Variants in PHRF1 observed in about 807,000 individuals in gnomAD.
PHRF1 encodes PHD and ring finger domains 1.
A neutral mutation model predicts 128.9 loss-of-function variants in PHRF1; 53 were observed. The observed-to-expected ratio is 0.41, with a 90% CI of 0.33 to 0.52. PHRF1 has a LOEUF of 0.52. Ranked by LOEUF, PHRF1 falls within the 20% of genes least tolerant of loss-of-function variation. The pLI is 0.21. For missense variants in PHRF1, 2,503 were observed against 2,284.5 expected (o/e 1.10, Z -1.95); for synonymous variants, 1,178 against 980.6 (o/e 1.20, Z -3.76).
rs761042469 is a variant in PHRF1, at chr11:608,747, C to A, written c.3291C>A (p.Gly1097=). ...CCCGGTCGCGGTCGGGGAGCCCTGGCAGCTCTTCCTATGAGCACTATGAGA... is the reference window on the plus strand; with the variant it reads ...CCCGGTCGCGGTCGGGGAGCCCTGGAAGCTCTTCCTATGAGCACTATGAGA... ...RTSRSRSGSP[G]SSSYEHYESR... Residue 1097 remains glycine (G), a synonymous_variant, in exon 14 of 18, where the codon GGC becomes GGA. Transcript: ENST00000264555. 1.9e-6 allele frequency: 3 copies of A among 1,611,528 alleles called. No homozygotes were observed. The Middle Eastern group carries it at 5.0e-4, about 266-fold the overall frequency.
intron 10 of PHRF1, among the ~76,000 whole-genome samples, chr11:603,008 A>C (rs544247331): frequency 1.1e-4 from 16 of 151,630 alleles, no homozygotes; most frequent in Non-Finnish European, 1.9e-4. Flanking sequence ...TGATCTGCCC[A>C]CCTCGGCCCC....
At chr11:610,864 G>A in intron 16 of PHRF1, 90 bp from the exon 17 acceptor site, 1 of 1,585,408 alleles carries the variant, frequency 6.3e-7, no homozygotes, top group East Asian at 2.2e-5. Context: ...TGTGCCTCTG[G>A]AACTGCAAGG....
chr11:585,442 C>T (rs1589862937), intron 3 of PHRF1, among the ~76,000 whole-genome samples: 1 of 104,534 alleles, frequency 9.6e-6, no homozygotes, highest in Non-Finnish European at 1.9e-5. Flanking sequence ...GGTAGTAGCC[C>T]TTTCCAGCTT....
chr11:593,819 C>T (rs1268374479), intron 6 of PHRF1, among the ~76,000 whole-genome samples: 1 of 152,220 alleles, frequency 6.6e-6, no homozygotes, highest in African/African-American at 2.4e-5. Flanking sequence ...AGCCACGCCT[C>T]TGCTCACATT....
At chr11:594,137 C>T (rs1057468234) in intron 6 of PHRF1, among the ~76,000 whole-genome samples, 8 of 152,218 alleles carry the variant, frequency 5.3e-5, no homozygotes, top group Non-Finnish European at 1.0e-4. Context: ...AGGGGTGGCT[C>T]AGCACTCCAT....
rs375620742 is a variant in PHRF1, at chr11:609,603, C to T, written c.4147C>T (p.Arg1383Trp). 58 of 1,591,850 alleles carry T rather than the reference C, an allele frequency of 3.6e-5. No individual in the cohort carries two copies. The highest frequency in any genetic ancestry group is 1.6e-4 in the Middle Eastern group (1 of 6,064). The change falls in exon 14 of 18, where the codon CGG becomes TGG. Residue 1383 changes from arginine to tryptophan, a missense_variant. Arg to Trp is a moderately radical substitution (Grantham distance 101). Coordinates refer to ENST00000264555, the MANE Select transcript of PHRF1 (RefSeq NM_001286581.2). ...SASGRVQEAARPEEVVSQTPL... is the reference protein window; with the variant it reads ...SASGRVQEAAWPEEVVSQTPL... ...GAGTGGGAGGGTACAGGAGGCAGCC[C>T]GGCCTGAGGAGGTGGTTTCGCAGAC... is the stretch of plus-strand genomic sequence containing the variant.
chr11:605,822 C>T (rs1222799713), intron 12 of PHRF1, 98 bp downstream of exon 12: 6 of 1,456,464 alleles, frequency 4.1e-6, no homozygotes, highest in Non-Finnish European at 5.4e-6. Context: ...TCTCTGTGGC[C>T]CTGGGTGGCG....
chr11:577,638 C>T lies in PHRF1; in HGVS notation c.-22+1046C>T, dbSNP rs565077288. On this transcript the variant is annotated intron_variant, in intron 1 of 17. Transcript: ENST00000264555. ...TTGTGCGTGCCTGACTTTTTGACTT[C>T]CATTGCAGTTGACAATTTTGAGTTC... Among the ~76,000 whole-genome samples, 10 of 152,344 alleles carry T rather than the reference C, an allele frequency of 6.6e-5. No homozygotes were observed. In the East Asian group the frequency reaches 1.2e-3, roughly 18 times the overall value.
At chr11:589,197 G>A (rs1038916035) in intron 4 of PHRF1, among the ~76,000 whole-genome samples, 1 of 151,926 alleles carries the variant, frequency 6.6e-6, no homozygotes, top group Non-Finnish European at 1.5e-5. Flanking sequence ...CGAGATTATT[G>A]GATACGAGGT....
At chr11:606,954 A>G (rs902444745) in intron 13 of PHRF1, 112 bp from the exon 14 acceptor site, 13 of 1,472,242 alleles carry the variant, frequency 8.8e-6, no homozygotes, top group Admixed American at 4.9e-5. Flanking sequence ...ACAGGCAGAC[A>G]GGAGTTTAAA....
Position 587,198 on chromosome 11 carries a change from T to TCCAGTGC in PHRF1, c.215-59_215-53dup, listed in dbSNP as rs532469859. The TCCAGTGC allele has an allele frequency of 1.8e-3, 2,855 of 1,543,806 alleles. 5 individuals are homozygous for TCCAGTGC. The highest frequency in any genetic ancestry group is 2.6e-3 in the South Asian group (224 of 86,666). ...TGAGCGCAGCCTGGGCCCGCTTGCCTCCAGTGCCGCGGTTCACGCTGCCCA... is the reference window on the plus strand; with the variant it reads ...TGAGCGCAGCCTGGGCCCGCTTGCCTCCAGTGCCCAGTGCCGCGGTTCACGCTGCCCA... On this transcript the variant is annotated intron_variant, in intron 3 of 17. Coordinates refer to ENST00000264555, the MANE Select transcript of PHRF1 (RefSeq NM_001286581.2).
Position 611,960 on chromosome 11 carries a change from G to C in PHRF1, c.*183G>C, listed in dbSNP as rs1564876697. On this transcript the variant is annotated 3_prime_UTR_variant, in exon 18 of 18. Transcript: ENST00000264555. ...GTTCCTGCGCTGACACCTGGTCTGTGCACCTGTGTTGCTCACAGTTGAAAA... is the reference window on the plus strand; with the variant it reads ...GTTCCTGCGCTGACACCTGGTCTGTCCACCTGTGTTGCTCACAGTTGAAAA... 2.2e-6 allele frequency: 2 copies of C among 917,776 alleles called. No homozygotes were observed. Among genetic ancestry groups the C allele is most frequent in the Non-Finnish European group, 3.2e-6 (2 of 626,820 alleles). The allele number at this position is 917,776 out of a possible 1,614,324, so 56.9% of individuals were successfully genotyped here. A position where few individuals can be genotyped will look rare whatever the true frequency, so the allele number is the denominator to read the frequency against.
intron 5 of PHRF1, 149 bp from the exon 6 acceptor site, chr11:592,410 G>A (rs994337507): frequency 2.8e-6 from 2 of 713,726 alleles, no homozygotes; most frequent in African/African-American, 3.5e-5. Context: ...AAATCCCTGT[G>A]TACACGTGGA....
At chr11:601,233 CCA>C (rs1469703898) in intron 9 of PHRF1, among the ~76,000 whole-genome samples, 1 of 151,908 alleles carries the variant, frequency 6.6e-6, no homozygotes, top group Non-Finnish European at 1.5e-5. Context: ...TCGCTTGAGC[CCA>C]GAGGCCAGCC....
intron 3 of PHRF1, among the ~76,000 whole-genome samples, chr11:583,142 C>A (rs1466663449): frequency 6.6e-6 from 1 of 151,440 alleles, no homozygotes; most frequent in Non-Finnish European, 1.5e-5. Flanking sequence ...AGATCGAGAC[C>A]ATTGTGGCTA....
At chr11:602,398 CG>C (rs1199919223) in intron 10 of PHRF1, among the ~76,000 whole-genome samples, 2 of 152,062 alleles carry the variant, frequency 1.3e-5, no homozygotes, top group Non-Finnish European at 2.9e-5. Context: ...ACTTGAATTA[CG>C]GCCGAGCGCG....
At chr11:588,492 G>T (rs993352814) in intron 4 of PHRF1, among the ~76,000 whole-genome samples, 2 of 151,822 alleles carry the variant, frequency 1.3e-5, no homozygotes, top group African/African-American at 4.8e-5. Context: ...CGATTCTCCT[G>T]CCTCAGCCTC....
At position 608,297 on chromosome 11, in the gene PHRF1, G is replaced by A. The variant is rs138710315; in HGVS notation, c.2841G>A (p.Ala947=). ...AGCCCTGGGATGAGGAGGATGGGGC[G>A]TCTTGCAGCACCTTCTTTGGCTCTG... The part of the protein sequence containing the change: ...PPEPWDEEDG[A]SCSTFFGSEE... The change falls in exon 14 of 18, where the codon GCG becomes GCA. Residue 947 remains alanine, a synonymous_variant. Coordinates refer to ENST00000264555, the MANE Select transcript of PHRF1 (RefSeq NM_001286581.2). 4.4e-4 allele frequency: 703 copies of A among 1,609,382 alleles called. 1 individual carries two copies. The highest frequency in any genetic ancestry group is 3.1e-3 in the Middle Eastern group (18 of 5,892).
At chr11:595,881 C>T (rs935040930) in intron 6 of PHRF1, among the ~76,000 whole-genome samples, 2 of 152,156 alleles carry the variant, frequency 1.3e-5, no homozygotes, top group Admixed American at 1.3e-4. Context: ...TCTTGGAGTG[C>T]CCCCACCCGC....
Sources: gnomAD v4.1 joint callset for allele counts (sites outside exome capture counted in the v4.1 genomes callset) on GRCh38, gnomAD v4.1.1 for gene constraint, MANE v1.5 for transcripts, NCBI Gene and HGNC (gene_info 2026-07-23, HGNC 2026-07-21) for gene names.